Variants in MAP4 observed in about 807,000 individuals in gnomAD.
The protein encoded by MAP4 is microtubule-associated protein 4.
MAP4 carries 76 observed loss-of-function variants against 170.2 expected under a neutral mutation model. The ratio of observed to expected loss-of-function variants is 0.45; its 90% CI spans 0.37 to 0.54. The LOEUF is 0.54. MAP4 is among the 20% of genes least tolerant of loss of function. The probability of loss-of-function intolerance (pLI) is 0.00; values close to 1 mark genes in which losing one functional copy is unlikely to be tolerated. For missense variants in MAP4, 2,506 were observed against 2,748.0 expected (o/e 0.91, Z 1.97); for synonymous variants, 909 against 994.5 (o/e 0.91, Z 1.62).
chr3:48,064,551 TC>T (rs1368881922), intron 1 of MAP4, among the ~76,000 whole-genome samples: 3 of 152,204 alleles, frequency 2.0e-5, no homozygotes, highest in African/African-American at 7.2e-5. Context: ...CTTGAATTAC[TC>T]TTTCTCTACT....
Position 47,919,530 on chromosome 3 carries a change from G to C in MAP4, c.530-689C>G, listed in dbSNP as rs142262536. ...TCACTATGTTGGCCAGATTGGTCTC[G>C]AACTCCTGACCTCATGATCCACCCG... On this transcript the variant is annotated intron_variant, in intron 5 of 20. Transcript: ENST00000683076. Among the ~76,000 whole-genome samples, 31 of 151,214 alleles carry C rather than the reference G, an allele frequency of 2.1e-4. No individual in the cohort carries two copies. In the East Asian group the frequency reaches 5.9e-3, roughly 29 times the overall value.
chr3:48,055,620 C>A (rs1401743854), intron 1 of MAP4, among the ~76,000 whole-genome samples: 16 of 125,068 alleles, frequency 1.3e-4, no homozygotes, highest in East Asian at 7.4e-4. Flanking sequence ...TCTGCCCGGC[C>A]GCCACCCCGT....
intron 3 of MAP4, among the ~76,000 whole-genome samples, chr3:47,939,038 T>C (rs920421159): frequency 1.3e-5 from 2 of 152,202 alleles, no homozygotes; most frequent in Non-Finnish European, 2.9e-5. Context: ...TGTCCCCTCA[T>C]GGCTCCTGCT....
intron 2 of MAP4, chr3:47,987,462 G>A (rs765840634): frequency 7.7e-6 from 11 of 1,430,544 alleles, no homozygotes; most frequent in South Asian, 5.3e-5. Flanking sequence ...AGAAGTCAGG[G>A]AATGTTCTGG....
intron 1 of MAP4, among the ~76,000 whole-genome samples, chr3:48,048,506 C>CT (rs67709674): frequency 0.015 from 1,013 of 67,002 alleles, 89 homozygotes; most frequent in African/African-American, 0.039. Context: ...TCTCAATTAT[C>CT]TTTTTTTTTT....
chr3:47,922,824 C>T (rs766603559), intron 4 of MAP4, among the ~76,000 whole-genome samples: 2 of 152,068 alleles, frequency 1.3e-5, no homozygotes, highest in Non-Finnish European at 1.5e-5. Flanking sequence ...CCAAGGCGGG[C>T]GGATCACGAG....
chr3:48,071,378 C>CA (rs982870746), intron 1 of MAP4, among the ~76,000 whole-genome samples: 14 of 150,940 alleles, frequency 9.3e-5, no homozygotes, highest in African/African-American at 2.9e-4. Context: ...CCTGTCTCTA[C>CA]AAAAAAAATA....
chr3:48,031,892 T>A (rs111439219), intron 1 of MAP4, among the ~76,000 whole-genome samples: 1 of 147,434 alleles, frequency 6.8e-6, no homozygotes, highest in Non-Finnish European at 1.5e-5. Context: ...CACACACACA[T>A]ACACACACAC....
chr3:47,991,270 G>C (rs1244584713), intron 2 of MAP4, among the ~76,000 whole-genome samples: 1 of 152,196 alleles, frequency 6.6e-6, no homozygotes, highest in Non-Finnish European at 1.5e-5. Context: ...TGTTCAAAGA[G>C]TTCTATTATG....
At chr3:47,937,062 G>T (rs1487699760) in intron 3 of MAP4, among the ~76,000 whole-genome samples, 1 of 151,410 alleles carries the variant, frequency 6.6e-6, no homozygotes, top group East Asian at 1.9e-4. Flanking sequence ...TTAACTTTGG[G>T]TGTGACCTTA....
At chr3:47,961,882 G>A (rs2100071755) in intron 3 of MAP4, among the ~76,000 whole-genome samples, 2 of 152,158 alleles carry the variant, frequency 1.3e-5, no homozygotes, top group Non-Finnish European at 2.9e-5. Flanking sequence ...ACAGCTTCCT[G>A]CTTAACTACC....
chr3:48,002,073 A>G (rs370803715), intron 1 of MAP4, among the ~76,000 whole-genome samples: 6 of 152,086 alleles, frequency 3.9e-5, no homozygotes, highest in African/African-American at 1.2e-4. Context: ...GGTGGCATGC[A>G]CCTGTAGTTC....
At chr3:47,877,683 T>C (rs2095798128) in intron 10 of MAP4, 160 bp from the exon 11 acceptor site, 1 of 532,090 alleles carries the variant, frequency 1.9e-6, no homozygotes. Flanking sequence ...TCCCAAGTTC[T>C]CATTGTGATG....
At chr3:48,061,257 G>A (rs901657888) in intron 1 of MAP4, among the ~76,000 whole-genome samples, 3 of 148,416 alleles carry the variant, frequency 2.0e-5, no homozygotes, top group African/African-American at 7.5e-5. Flanking sequence ...AAGCTGGACT[G>A]TACTGCTGCC....
intron 1 of MAP4, among the ~76,000 whole-genome samples, chr3:48,051,569 C>A (rs4858884): frequency 0.012 from 1,891 of 152,118 alleles, 37 homozygotes; most frequent in Admixed American, 0.041. Context: ...TTGATTTTGG[C>A]AAGATAGGAG....
At position 47,909,659 on chromosome 3, in the gene MAP4, C is replaced by T. The variant is rs1448409419; in HGVS notation, c.4762G>A (p.Gly1588Arg). Residue 1588 changes from glycine to arginine, a missense_variant, in exon 9 of 21, where the codon GGA (glycine) becomes AGA (arginine). Coordinates refer to ENST00000683076, the MANE Select transcript of MAP4 (RefSeq NM_001385682.1). ...TATCCTTCTAGGGCTCTGGCCTCTC[C>T]TGGTAGGCTCTGGTCTTCTACTGGC... ...GVPVEDQSLP[G>R]EARALEGYAD... The T allele has an allele frequency of 1.9e-6, 3 of 1,613,994 alleles. No individual in the cohort carries two copies. The highest frequency in any genetic ancestry group is 1.6e-4 in the Middle Eastern group (1 of 6,062).
chr3:47,905,317 A>G (rs1468860443), intron 9 of MAP4, among the ~76,000 whole-genome samples: 1 of 152,214 alleles, frequency 6.6e-6, no homozygotes, highest in Admixed American at 6.5e-5. Flanking sequence ...ATAATAGGGC[A>G]AGGGGTTGGG....
intron 1 of MAP4, chr3:48,088,709 G>C (rs1355271483): frequency 6.6e-6 from 1 of 152,336 alleles, no homozygotes; most frequent in East Asian, 1.9e-4. Flanking sequence ...GGCAAGGCTC[G>C]GGCAGCCCCG....
chr3:48,088,370 C>T (rs2100150487), intron 1 of MAP4, among the ~76,000 whole-genome samples: 2 of 152,158 alleles, frequency 1.3e-5, no homozygotes, highest in Admixed American at 6.5e-5. Flanking sequence ...CTGACCCCCA[C>T]AAAGCCTCAG....
Sources: gnomAD v4.1 joint callset for allele counts (sites outside exome capture counted in the v4.1 genomes callset) on GRCh38, gnomAD v4.1.1 for gene constraint, MANE v1.5 for transcripts, NCBI Gene and HGNC (gene_info 2026-07-23, HGNC 2026-07-21) for gene names.